PLPP4: variants seen among roughly 807,000 people sequenced by gnomAD.
PLPP4 encodes phospholipid phosphatase 4.
In PLPP4, 20 loss-of-function variants were observed where a neutral mutation model predicts 32.2. The observed-to-expected ratio is 0.62, with a 90% CI of 0.44 to 0.90. PLPP4 has a LOEUF of 0.90. PLPP4 is among the 40% of genes least tolerant of loss of function. The pLI is 0.00. For missense variants in PLPP4, 257 were observed against 353.1 expected (o/e 0.73, Z 2.18); for synonymous variants, 127 against 133.0 (o/e 0.95, Z 0.31).
chr10:120,539,252 T>C (rs1386784166), intron 5 of PLPP4, among the ~76,000 whole-genome samples: 1 of 152,156 alleles, frequency 6.6e-6, no homozygotes, highest in African/African-American at 2.4e-5. Context: ...GAGCCACTGC[T>C]GTTAGAGGCA....
intron 4 of PLPP4, among the ~76,000 whole-genome samples, chr10:120,519,704 GGTAGACT>G (rs1166582226): frequency 3.4e-4 from 52 of 152,152 alleles, no homozygotes; most frequent in Admixed American, 3.4e-3. Flanking sequence ...CAGCTGTTCT[GGTAGACT>G]GCTTAGGCCC....
intron 5 of PLPP4, among the ~76,000 whole-genome samples, chr10:120,563,936 GA>G (rs1848567588): frequency 6.7e-6 from 1 of 150,292 alleles, no homozygotes; most frequent in African/African-American, 2.5e-5. Context: ...TCTTTTCAAA[GA>G]ACTGGTATTT....
chr10:120,551,634 A>G (rs189718267), intron 5 of PLPP4, among the ~76,000 whole-genome samples: 55 of 152,328 alleles, frequency 3.6e-4, no homozygotes, highest in African/African-American at 7.7e-4. Flanking sequence ...TCCAAGCACA[A>G]TCAAAACTAG....
intron 5 of PLPP4, among the ~76,000 whole-genome samples, chr10:120,545,679 T>G (rs1387304606): frequency 6.6e-6 from 1 of 152,196 alleles, no homozygotes; most frequent in Non-Finnish European, 1.5e-5. Context: ...CAATGCAGCT[T>G]AAAGGAAGGT....
At chr10:120,529,222 G>T (rs893729689) in intron 5 of PLPP4, among the ~76,000 whole-genome samples, 6 of 152,062 alleles carry the variant, frequency 3.9e-5, no homozygotes, top group Non-Finnish European at 7.4e-5. Context: ...GTAACAGGGG[G>T]TGCTATTGGC....
At chr10:120,582,387 A>G (rs66656191) in intron 6 of PLPP4, among the ~76,000 whole-genome samples, 8,298 of 152,072 alleles carry the variant, frequency 0.055, 329 homozygotes, top group Middle Eastern at 0.15. Flanking sequence ...TCCTCACATC[A>G]GCTTCCCTCT....
At chr10:120,493,635 C>T (rs865806635) in intron 1 of PLPP4, among the ~76,000 whole-genome samples, 1 of 152,138 alleles carries the variant, frequency 6.6e-6, no homozygotes, top group Non-Finnish European at 1.5e-5. Flanking sequence ...CACACATTTC[C>T]ACACTGTCCA....
intron 5 of PLPP4, among the ~76,000 whole-genome samples, chr10:120,573,858 A>G (rs968073183): frequency 6.6e-5 from 10 of 152,132 alleles, no homozygotes; most frequent in African/African-American, 1.9e-4. Context: ...ATTTGTCACA[A>G]ATGCCTGCAT....
At chr10:120,530,290 T>C (rs1447193916) in intron 5 of PLPP4, among the ~76,000 whole-genome samples, 2 of 152,210 alleles carry the variant, frequency 1.3e-5, no homozygotes, top group Non-Finnish European at 1.5e-5. Flanking sequence ...GTCCAGTCAA[T>C]CTTCATCCCC....
intron 1 of PLPP4, among the ~76,000 whole-genome samples, chr10:120,463,218 T>G (rs561068878): frequency 3.0e-4 from 45 of 151,670 alleles, no homozygotes; most frequent in Admixed American, 1.1e-3. Context: ...AGTAGAGACG[T>G]AGTTTCACCA....
intron 5 of PLPP4, among the ~76,000 whole-genome samples, chr10:120,562,633 A>G (rs1400817976): frequency 6.6e-6 from 1 of 152,356 alleles, no homozygotes; most frequent in Admixed American, 6.5e-5. Flanking sequence ...ACATCAAAAA[A>G]AAGTGATACT....
At chr10:120,476,166 G>A (rs1843896708) in intron 1 of PLPP4, among the ~76,000 whole-genome samples, 1 of 152,220 alleles carries the variant, frequency 6.6e-6, no homozygotes, top group Non-Finnish European at 1.5e-5. Flanking sequence ...AGAGCAAAAA[G>A]GGAGTGGAGG....
rs536679049 is a variant in PLPP4, at chr10:120,590,343, G to T, written c.*841G>T. 6.6e-6 allele frequency among the ~76,000 whole-genome samples: 1 copy of T among 152,154 alleles called. No homozygotes were observed. The highest frequency in any genetic ancestry group is 2.4e-5 in the African/African-American group (1 of 41,444). The stretch of plus-strand genomic sequence containing the variant: ...TCACAGATCAGAAACCGCATGCCTG[G>T]GGCTCATCTCAAGGGAGTGGCTGAG... On this transcript the variant is annotated 3_prime_UTR_variant, in exon 7 of 7. Transcript: ENST00000398250.
chr10:120,565,542 A>C (rs1848654377), intron 5 of PLPP4, among the ~76,000 whole-genome samples: 1 of 152,092 alleles, frequency 6.6e-6, no homozygotes, highest in African/African-American at 2.4e-5. Flanking sequence ...TGTGAGTCTT[A>C]AACTGCTGCT....
At chr10:120,494,305 G>A (rs1307006738) in intron 1 of PLPP4, among the ~76,000 whole-genome samples, 1 of 152,162 alleles carries the variant, frequency 6.6e-6, no homozygotes, top group Middle Eastern at 3.2e-3. Context: ...CTCTGAGGTA[G>A]GCGCTATTAT....
intron 5 of PLPP4, among the ~76,000 whole-genome samples, chr10:120,544,084 A>G (rs2133968848): frequency 6.6e-6 from 1 of 152,346 alleles, no homozygotes; most frequent in Admixed American, 6.5e-5. Flanking sequence ...ACAGGGGTAC[A>G]GATACCTCTT....
chr10:120,499,269 G>A (rs1375169100), intron 1 of PLPP4, among the ~76,000 whole-genome samples: 2 of 152,082 alleles, frequency 1.3e-5, no homozygotes, highest in African/African-American at 2.4e-5. Context: ...AGGTTGCTGT[G>A]CCTTTTCATT....
At chr10:120,577,122 T>C (rs1752929024) in intron 6 of PLPP4, among the ~76,000 whole-genome samples, 1 of 152,228 alleles carries the variant, frequency 6.6e-6, no homozygotes, top group South Asian at 2.1e-4. Context: ...TCATTGTTGC[T>C]TAGTACATTT....
At chr10:120,551,567 G>A (rs1359753946) in intron 5 of PLPP4, among the ~76,000 whole-genome samples, 2 of 152,192 alleles carry the variant, frequency 1.3e-5, no homozygotes, top group Non-Finnish European at 2.9e-5. Context: ...ACATTATGTT[G>A]AGAAAAGGAA....
Sources: gnomAD v4.1 joint callset for allele counts (sites outside exome capture counted in the v4.1 genomes callset) on GRCh38, gnomAD v4.1.1 for gene constraint, MANE v1.5 for transcripts, NCBI Gene and HGNC (gene_info 2026-07-23, HGNC 2026-07-21) for gene names.